The following SCML4 variants were observed in gnomAD, a reference collection of about 807,000 sequenced individuals.
SCML4 encodes the protein sex comb on midleg-like protein 4.
SCML4 carries 34 observed loss-of-function variants against 41.1 expected under a neutral mutation model. The observed-to-expected ratio is 0.83, with a 90% CI of 0.63 to 1.10. The LOEUF (loss-of-function observed/expected upper bound fraction) is 1.10, where lower values mean the gene tolerates loss of function less well. SCML4 is among the 50% of genes least tolerant of loss of function. The probability of loss-of-function intolerance (pLI) is 0.00; values close to 1 mark genes in which losing one functional copy is unlikely to be tolerated. For synonymous variants in SCML4, 214 were observed against 220.9 expected (o/e 0.97, Z 0.28); for missense variants, 522 against 534.1 (o/e 0.98, Z 0.22).
At chr6:107,738,608 G>A (rs1459438656) in intron 5 of SCML4, among the ~76,000 whole-genome samples, 1 of 152,048 alleles carries the variant, frequency 6.6e-6, no homozygotes, top group Non-Finnish European at 1.5e-5. Context: ...GCAACAGAGA[G>A]AGAGTCCATC....
chr6:107,845,230 C>CAA, the SCML4 span, among the ~76,000 whole-genome samples: 3,815 of 149,264 alleles, frequency 0.026, 73 homozygotes, highest in African/African-American at 0.052. Flanking sequence ...AGCTAGAAAA[C>CAA]AAAAAAAAAA....
In SCML4 at chr6:107,702,930, A is replaced by C. The variant is rs2114310737; in HGVS notation, c.*2270T>G. ...GGTCAGCACAAGATATAGGTCATAA[A>C]GACCTTCTGATAAAACAGGTTGCAG... On this transcript the variant is annotated 3_prime_UTR_variant, in exon 8 of 8. Coordinates refer to ENST00000369020, the MANE Select transcript of SCML4 (RefSeq NM_198081.5). 6.6e-6 allele frequency among the ~76,000 whole-genome samples: 1 copy of C among 152,332 alleles called. No individual in the cohort carries two copies. The highest frequency in any genetic ancestry group is 2.4e-5 in the African/African-American group (1 of 41,574).
intron 1 of SCML4, among the ~76,000 whole-genome samples, chr6:107,788,564 G>A (rs142579011): frequency 2.8e-3 from 419 of 152,282 alleles, no homozygotes; most frequent in African/African-American, 9.6e-3. Context: ...CACCCATCCA[G>A]ACAATGCGAC....
chr6:107,721,031 G>C, intron 5 of SCML4, 38 bp from the exon 6 acceptor site: 1 of 1,555,566 alleles, frequency 6.4e-7, no homozygotes, highest in South Asian at 1.2e-5. Context: ...AGATATCAGA[G>C]AGCAGTTCAG....
chr6:107,768,147 T>A (rs1032190737), intron 2 of SCML4, among the ~76,000 whole-genome samples: 1 of 149,040 alleles, frequency 6.7e-6, no homozygotes, highest in Non-Finnish European at 1.5e-5. Flanking sequence ...GTGACGTGCA[T>A]CTGTATTCCC....
chr6:107,815,279 C>A (rs1157485085), intron 1 of SCML4, among the ~76,000 whole-genome samples: 9 of 152,166 alleles, frequency 5.9e-5, no homozygotes, highest in Non-Finnish European at 1.3e-4. Context: ...ACTTAGAGGG[C>A]AGAGACCAGG....
rs1343390747 is a variant in SCML4 at position 107,805,374 on chromosome 6, A to G, written c.-60+18752T>C. On this transcript the variant is annotated intron_variant, in intron 1 of 7. Coordinates refer to ENST00000369020, the MANE Select transcript of SCML4 (RefSeq NM_198081.5). ...TACAGGGATAACAAAGTCTAAATGAATAAATGAGAAAACATCAGATATCAT... is the reference window on the plus strand; with the variant it reads ...TACAGGGATAACAAAGTCTAAATGAGTAAATGAGAAAACATCAGATATCAT... Among the ~76,000 whole-genome samples the G allele has an allele frequency of 2.0e-5, 3 of 152,258 alleles. No homozygotes were observed. The East Asian group carries it at 5.8e-4, about 29-fold the overall frequency.
chr6:107,820,519 C>A (rs1422466063), intron 1 of SCML4, among the ~76,000 whole-genome samples: 1 of 152,206 alleles, frequency 6.6e-6, no homozygotes, highest in Non-Finnish European at 1.5e-5. Context: ...AAATTCCAAG[C>A]CTCTGTAAGC....
At chr6:107,826,137 G>A (rs1442084634), upstream of SCML4, among the ~76,000 whole-genome samples, 6 of 151,606 alleles carry the variant, frequency 4.0e-5, no homozygotes, top group Admixed American at 2.6e-4. Flanking sequence ...CCAGCTACTC[G>A]GGAGGCTGAG....
intron 6 of SCML4, chr6:107,720,107 C>A: frequency 1.0e-6 from 1 of 985,362 alleles, no homozygotes; most frequent in Non-Finnish European, 1.2e-6. Context: ...GTGACACTTC[C>A]TATGCAAGAG....
intron 1 of SCML4, among the ~76,000 whole-genome samples, chr6:107,778,212 A>T (rs1250469685): frequency 2.7e-4 from 2 of 7,334 alleles, no homozygotes; most frequent in African/African-American, 5.4e-4. Context: ...AAAAAAAAAA[A>T]AAAAAAAAAA....
intron 5 of SCML4, among the ~76,000 whole-genome samples, chr6:107,728,728 T>C (rs1037342964): frequency 6.6e-6 from 1 of 152,178 alleles, no homozygotes; most frequent in African/African-American, 2.4e-5. Flanking sequence ...GAAAATAGGC[T>C]TCGGAGGGCA....
At chr6:107,772,940 A>G (rs926870166) in intron 1 of SCML4, among the ~76,000 whole-genome samples, 1 of 152,230 alleles carries the variant, frequency 6.6e-6, no homozygotes, top group Non-Finnish European at 1.5e-5. Context: ...AGGTATGTTC[A>G]TTTTAACATG....
At chr6:107,774,950 G>A (rs917566517) in intron 1 of SCML4, among the ~76,000 whole-genome samples, 17 of 151,300 alleles carry the variant, frequency 1.1e-4, no homozygotes, top group Admixed American at 7.9e-4. Flanking sequence ...AGCTAAGATC[G>A]CGCCACTGCA....
At chr6:107,720,481 G>A (rs1369203171) in intron 6 of SCML4, 2 of 1,284,300 alleles carry the variant, frequency 1.6e-6, no homozygotes, top group East Asian at 3.1e-5. Flanking sequence ...TACGTATCCT[G>A]TGGCCTAGCC....
chr6:107,706,145 AG>A (rs1258077121), intron 7 of SCML4, among the ~76,000 whole-genome samples: 2 of 152,168 alleles, frequency 1.3e-5, no homozygotes, highest in African/African-American at 4.8e-5. Context: ...TCATCTGCCC[AG>A]CCAGCCAGTA....
chr6:107,754,598 C>A (rs990624527), intron 2 of SCML4, among the ~76,000 whole-genome samples: 1 of 152,216 alleles, frequency 6.6e-6, no homozygotes, highest in Non-Finnish European at 1.5e-5. Context: ...AAGCCCTTAA[C>A]TGCCAACACA....
At chr6:107,799,719 C>G (rs1400474897) in intron 1 of SCML4, among the ~76,000 whole-genome samples, 1 of 151,936 alleles carries the variant, frequency 6.6e-6, no homozygotes, top group Non-Finnish European at 1.5e-5. Flanking sequence ...TTTCTTGGCT[C>G]AATTTCACTT....
In SCML4 at chr6:107,702,424, T is replaced by C. The variant is rs923489949; in HGVS notation, c.*2776A>G. 6.6e-6 allele frequency among the ~76,000 whole-genome samples: 1 copy of C among 152,204 alleles called. No individual in the cohort carries two copies. ...TTGAGAGCACCAATGTTTGTGACTC[T>C]GTAGTGAAGGAGGCACTGATGAGGG... On this transcript the variant is annotated 3_prime_UTR_variant, in exon 8 of 8. Transcript: ENST00000369020.
Sources: allele counts gnomAD v4.1 joint callset (sites outside exome capture counted in the v4.1 genomes callset), GRCh38; gene constraint gnomAD v4.1.1; transcripts MANE v1.5; gene names NCBI Gene and HGNC (gene_info 2026-07-23, HGNC 2026-07-21).